Variants in RAP1GAP2 observed in about 807,000 individuals in gnomAD.
RAP1GAP2 encodes RAP1 GTPase activating protein 2, also known as rap1 GTPase-activating protein 2.
RAP1GAP2 carries 27 observed loss-of-function variants against 95.0 expected under a neutral mutation model. The observed-to-expected ratio is 0.28, with a 90% confidence interval of 0.21 to 0.39. The LOEUF (loss-of-function observed/expected upper bound fraction) is 0.39. Among genes scored for constraint, RAP1GAP2 ranks in the 10% least tolerant of loss-of-function variants. RAP1GAP2 has a pLI of 1.00. For synonymous variants in RAP1GAP2, 373 were observed against 380.9 expected (o/e 0.98, Z 0.24); for missense variants, 771 against 970.0 (o/e 0.79, Z 2.72).
At chr17:2,780,236 G>T (rs776365516) in intron 1 of RAP1GAP2, among the ~76,000 whole-genome samples, 1 of 152,152 alleles carries the variant, frequency 6.6e-6, no homozygotes, top group Non-Finnish European at 1.5e-5. Flanking sequence ...TTTTCAGTAG[G>T]GACAGGGTTT....
chr17:2,990,756 C>T (rs1189491513), intron 11 of RAP1GAP2, among the ~76,000 whole-genome samples: 1 of 151,906 alleles, frequency 6.6e-6, no homozygotes, highest in Non-Finnish European at 1.5e-5. Flanking sequence ...CTTTTATTGC[C>T]TTTATTTTTC....
intron 2 of RAP1GAP2, among the ~76,000 whole-genome samples, chr17:2,821,407 G>C (rs1236672017): frequency 8.0e-6 from 1 of 124,898 alleles, no homozygotes; most frequent in Non-Finnish European, 1.6e-5. Flanking sequence ...ACGGAGTCTC[G>C]CTCTGTCGCC....
chr17:2,981,148 C>T, intron 9 of RAP1GAP2, 47 bp from the exon 10 acceptor site: 1 of 1,573,818 alleles, frequency 6.4e-7, no homozygotes, highest in East Asian at 2.3e-5. Flanking sequence ...GCCCAGATGT[C>T]CTCTACAGAT....
At chr17:2,922,820 C>CTTTTTTTTTTTTTTTTTTTTT (rs1567782104) in intron 3 of RAP1GAP2, among the ~76,000 whole-genome samples, 1 of 129,100 alleles carries the variant, frequency 7.7e-6, no homozygotes, top group African/African-American at 3.2e-5. Flanking sequence ...CCAGTATTTT[C>CTTTTTTTTTTTTTTTTTTTTT]TTTTTGTTTT....
intron 2 of RAP1GAP2, among the ~76,000 whole-genome samples, chr17:2,861,177 C>G (rs2151618822): frequency 6.6e-6 from 1 of 152,116 alleles, no homozygotes; most frequent in East Asian, 1.9e-4. Context: ...AAAGGCCTCC[C>G]CTGACGATCC....
chr17:2,996,820 T>C (rs2045974995), intron 13 of RAP1GAP2, among the ~76,000 whole-genome samples: 1 of 152,146 alleles, frequency 6.6e-6, no homozygotes, highest in Non-Finnish European at 1.5e-5. Context: ...GCAATTTGTG[T>C]GAAAGTGCCC....
At position 3,005,120 on chromosome 17, in the gene RAP1GAP2, T is replaced by G. The variant is rs2046293651; in HGVS notation, c.1201-249T>G. 6.6e-6 allele frequency among the ~76,000 whole-genome samples: 1 copy of G among 152,136 alleles called. No homozygotes were observed. Among genetic ancestry groups the G allele is most frequent in the African/African-American group, 2.4e-5 (1 of 41,422 alleles). Reference sequence around the variant, plus strand: ...AAATTAGGGTCCCAGCCCTGTCCAGTCATCTTGCCAAACCTGCTTCTGGCC... The same window carrying G: ...AAATTAGGGTCCCAGCCCTGTCCAGGCATCTTGCCAAACCTGCTTCTGGCC... On this transcript the variant is annotated intron_variant, in intron 14 of 24. Transcript: ENST00000254695. This position sits in a 1 kb window ranked among gnomAD's most constrained non-coding sequence, Gnocchi z 5.2.
At chr17:2,945,569 C>A (rs1472368951) in intron 3 of RAP1GAP2, among the ~76,000 whole-genome samples, 1 of 149,798 alleles carries the variant, frequency 6.7e-6, no homozygotes, top group African/African-American at 2.4e-5. Context: ...AAGGGGAAAG[C>A]TTTTAGTTTT....
intron 3 of RAP1GAP2, among the ~76,000 whole-genome samples, chr17:2,911,662 A>G (rs1355375224): frequency 1.1e-4 from 2 of 18,970 alleles, no homozygotes; most frequent in African/African-American, 3.9e-4. Context: ...TGGGGAGGAG[A>G]GGAGGGGGAA....
intron 1 of RAP1GAP2, among the ~76,000 whole-genome samples, chr17:2,761,551 G>A (rs561385701): frequency 7.2e-5 from 11 of 152,160 alleles, no homozygotes; most frequent in African/African-American, 2.2e-4. Flanking sequence ...GCCTCCCAAC[G>A]TGCTGGGATT....
chr17:2,794,988 C>G (rs1164279814), upstream of RAP1GAP2, among the ~76,000 whole-genome samples: 5 of 148,182 alleles, frequency 3.4e-5, no homozygotes, highest in Non-Finnish European at 7.4e-5. Flanking sequence ...AACGATTCTC[C>G]TGCCTCAGCC....
chr17:2,977,463 A>G (rs2151526182), intron 8 of RAP1GAP2, among the ~76,000 whole-genome samples: 1 of 152,124 alleles, frequency 6.6e-6, no homozygotes, highest in South Asian at 2.1e-4. Flanking sequence ...CAAAGGATCA[A>G]GCTGGGCGTG....
chr17:2,776,008 G>A (rs1375875368), upstream of RAP1GAP2, among the ~76,000 whole-genome samples: 4 of 152,124 alleles, frequency 2.6e-5, no homozygotes, highest in Admixed American at 6.6e-5. Context: ...GCGAAACCCC[G>A]TCTCTACTAA....
At chr17:2,994,140 A>G (rs1232730766) in intron 12 of RAP1GAP2, among the ~76,000 whole-genome samples, 1 of 152,160 alleles carries the variant, frequency 6.6e-6, no homozygotes, top group Admixed American at 6.5e-5. Flanking sequence ...CCTTTATTTT[A>G]TGGAGGCCTA....
intron 2 of RAP1GAP2, among the ~76,000 whole-genome samples, chr17:2,838,511 G>A (rs983680517): frequency 6.6e-6 from 1 of 152,144 alleles, no homozygotes; most frequent in Non-Finnish European, 1.5e-5. Flanking sequence ...TACTGGGATG[G>A]TGACCTGTAC....
chr17:3,035,898 T>C lies in RAP1GAP2; in HGVS notation c.*2537T>C, dbSNP rs1276681806. On this transcript the variant is annotated 3_prime_UTR_variant, in exon 25 of 25. Coordinates refer to ENST00000254695, the MANE Select transcript of RAP1GAP2 (RefSeq NM_015085.5). This position sits in a 1 kb window ranked among gnomAD's most constrained non-coding sequence, Gnocchi z 4.3. ...GGCTCAAAGATTTGCCCAAACCTCA[T>C]TGGCCCTCGTGACTAGGCTCATCTA... 2 of 152,252 alleles carry C rather than the reference T, an allele frequency of 1.3e-5. No homozygotes were observed. The allele number at this position is 152,252 out of a possible 1,614,324, so 9.4% of individuals were successfully genotyped here. A position where few individuals can be genotyped will look rare whatever the true frequency, so the allele number is the denominator to read the frequency against.
At chr17:3,007,941 A>T (rs1211549975) in intron 16 of RAP1GAP2, 70 bp from the exon 17 acceptor site, 2 of 1,545,834 alleles carry the variant, frequency 1.3e-6, no homozygotes, top group African/African-American at 1.4e-5. Context: ...AGGTGTCTGG[A>T]GCTCACAAGG....
chr17:2,881,120 G>A (rs927355364), intron 2 of RAP1GAP2, among the ~76,000 whole-genome samples: 1 of 152,110 alleles, frequency 6.6e-6, no homozygotes, highest in African/African-American at 2.4e-5. Flanking sequence ...AATTAGCTGG[G>A]CATGGTGGTG....
intron 2 of RAP1GAP2, among the ~76,000 whole-genome samples, chr17:2,860,594 CTTTTTTTTTT>C (rs561492877): frequency 4.2e-5 from 4 of 96,056 alleles, no homozygotes; most frequent in Admixed American, 1.3e-4. Context: ...ACTTATTTAT[CTTTTTTTTTT>C]TTTTTTTTTT....
Sources: gnomAD v4.1 joint callset for allele counts (sites outside exome capture counted in the v4.1 genomes callset) on GRCh38, gnomAD v4.1.1 for gene constraint, Gnocchi (gnomAD v3.1) non-coding constraint, MANE v1.5 for transcripts, NCBI Gene and HGNC (gene_info 2026-07-23, HGNC 2026-07-21) for gene names.